NUP93: variants seen among roughly 807,000 people sequenced by gnomAD.
NUP93 encodes the protein nucleoporin 93.
Under a neutral mutation model 107.8 loss-of-function variants are expected in NUP93, and 55 were observed. The observed-to-expected ratio is 0.51, with a 90% CI of 0.41 to 0.64. The LOEUF is 0.64. NUP93 is among the 30% of genes least tolerant of loss of function. The pLI, the probability that NUP93 is intolerant of heterozygous loss-of-function variation, is 0.00. For missense variants in NUP93, 937 were observed against 1,044.7 expected (o/e 0.90, Z 1.42); for synonymous variants, 390 against 397.5 (o/e 0.98, Z 0.22).
At chr16:56,802,076 C>T (rs1386396121) in intron 4 of NUP93, among the ~76,000 whole-genome samples, 1 of 152,266 alleles carries the variant, frequency 6.6e-6, no homozygotes, top group African/African-American at 2.4e-5. Flanking sequence ...GTGCTCACCC[C>T]GTGTTGCAGC....
At chr16:56,782,130 C>T (rs1443492088) in intron 3 of NUP93, 1 of 985,382 alleles carries the variant, frequency 1.0e-6, no homozygotes, top group African/African-American at 1.7e-5. Context: ...TCCGACAGAG[C>T]TCATCTCATA....
intron 5 of NUP93, among the ~76,000 whole-genome samples, chr16:56,806,511 A>G (rs1430722410): frequency 2.0e-5 from 3 of 152,134 alleles, no homozygotes; most frequent in Non-Finnish European, 4.4e-5. Flanking sequence ...CTCTAAGCAC[A>G]ATCAGGGTAT....
intron 1 of NUP93, among the ~76,000 whole-genome samples, chr16:56,739,368 C>T (rs1345645566): frequency 5.1e-4 from 11 of 21,498 alleles, no homozygotes; most frequent in South Asian, 1.6e-3. Flanking sequence ...ACCTCCCTCC[C>T]GGACGGGGCG....
At chr16:56,742,338 G>A (rs1263243020) in intron 1 of NUP93, among the ~76,000 whole-genome samples, 1 of 152,178 alleles carries the variant, frequency 6.6e-6, no homozygotes, top group East Asian at 1.9e-4. Flanking sequence ...CCAAGAGTTG[G>A]CAAACTATGG....
At chr16:56,835,565 C>T (rs1377595888) in intron 16 of NUP93, among the ~76,000 whole-genome samples, 2 of 152,226 alleles carry the variant, frequency 1.3e-5, no homozygotes, top group Admixed American at 6.5e-5. Context: ...GGCCAGGAGG[C>T]TCCTACTGTA....
At chr16:56,762,500 C>T (rs1596779171) in intron 3 of NUP93, among the ~76,000 whole-genome samples, 1 of 152,020 alleles carries the variant, frequency 6.6e-6, no homozygotes, top group African/African-American at 2.4e-5. Context: ...TCCTGATTGC[C>T]GATTTGATCA....
intron 3 of NUP93, among the ~76,000 whole-genome samples, chr16:56,776,516 T>C (rs1202338262): frequency 1.3e-5 from 2 of 152,240 alleles, no homozygotes; most frequent in African/African-American, 4.8e-5. Context: ...TCAGCTTTAG[T>C]ATTCCTTCAA....
At chr16:56,758,416 C>G (rs1962066435) in intron 2 of NUP93, 122 bp from the exon 3 acceptor site, 2 of 728,006 alleles carry the variant, frequency 2.7e-6, no homozygotes, top group East Asian at 2.5e-5. Context: ...AGTGTCTGGA[C>G]AGTATATAGG....
At chr16:56,830,304 A>G (rs567399993) in intron 9 of NUP93, among the ~76,000 whole-genome samples, 1 of 152,314 alleles carries the variant, frequency 6.6e-6, no homozygotes, top group African/African-American at 2.4e-5. Context: ...CTGGAGCCAT[A>G]TTGCCACTTA....
At chr16:56,730,791 AT>A (rs1199537716) in intron 1 of NUP93, among the ~76,000 whole-genome samples, 6 of 152,206 alleles carry the variant, frequency 3.9e-5, no homozygotes, top group South Asian at 2.1e-4. Context: ...TGCAGAGGCG[AT>A]GCCCAAGTTC....
At chr16:56,761,121 T>C (rs1249771217) in intron 3 of NUP93, among the ~76,000 whole-genome samples, 1 of 152,262 alleles carries the variant, frequency 6.6e-6, no homozygotes, top group African/African-American at 2.4e-5. Context: ...AGTTTTGAAA[T>C]AAGTTCTCTG....
intron 1 of NUP93, among the ~76,000 whole-genome samples, chr16:56,731,146 A>C (rs1470449276): frequency 4.6e-5 from 7 of 152,122 alleles, no homozygotes; most frequent in Non-Finnish European, 7.3e-5. Flanking sequence ...ATCAGAGGCT[A>C]ACAGATTCCG....
At chr16:56,747,141 G>A (rs1401814413) in intron 1 of NUP93, among the ~76,000 whole-genome samples, 1 of 152,036 alleles carries the variant, frequency 6.6e-6, no homozygotes, top group Non-Finnish European at 1.5e-5. Flanking sequence ...TGGGATTATA[G>A]GTGTGTGCCA....
intron 3 of NUP93, among the ~76,000 whole-genome samples, chr16:56,791,826 A>G (rs1962769664): frequency 6.6e-6 from 1 of 152,242 alleles, no homozygotes; most frequent in Non-Finnish European, 1.5e-5. Flanking sequence ...CTGCTTGGAC[A>G]GATGTGTAGC....
At chr16:56,760,927 C>G (rs925024481) in intron 3 of NUP93, among the ~76,000 whole-genome samples, 1 of 151,678 alleles carries the variant, frequency 6.6e-6, no homozygotes, top group South Asian at 2.1e-4. Context: ...CCACTGTACT[C>G]AAGTCTGGGT....
rs202003254 is a variant in NUP93, at chr16:56,746,291, A to G, written c.-14-1943A>G. 9.8e-5 allele frequency among the ~76,000 whole-genome samples: 15 copies of G among 152,330 alleles called. No individual in the cohort carries two copies. The East Asian group carries it at 1.2e-3, about 12-fold the overall frequency. ...CATTCCTGAGAAAACACATTTCTCTATCAGGCCGGAGTAGTTGTTTAAAAA... is the reference window on the plus strand; with the variant it reads ...CATTCCTGAGAAAACACATTTCTCTGTCAGGCCGGAGTAGTTGTTTAAAAA... On this transcript the variant is annotated intron_variant, in intron 1 of 21. Coordinates refer to ENST00000308159, the MANE Select transcript of NUP93 (RefSeq NM_014669.5).
At chr16:56,823,234 C>T (rs1202496919) in intron 7 of NUP93, among the ~76,000 whole-genome samples, 3 of 152,186 alleles carry the variant, frequency 2.0e-5, no homozygotes, top group Non-Finnish European at 4.4e-5. Context: ...CCTGGAGCGT[C>T]TCTGGGAGGA....
intron 3 of NUP93, among the ~76,000 whole-genome samples, chr16:56,786,376 A>G (rs1196983843): frequency 2.0e-5 from 3 of 152,178 alleles, no homozygotes; most frequent in Non-Finnish European, 4.4e-5. Context: ...TTTGCCCTAA[A>G]TCTGGACCAC....
intron 1 of NUP93, among the ~76,000 whole-genome samples, chr16:56,737,305 T>C (rs1312567836): frequency 1.3e-5 from 2 of 151,890 alleles, no homozygotes; most frequent in African/African-American, 4.8e-5. Context: ...TGGGGAGAGG[T>C]AGGTGGAGGA....
Sources: gnomAD v4.1 joint callset for allele counts (sites outside exome capture counted in the v4.1 genomes callset) on GRCh38, gnomAD v4.1.1 for gene constraint, MANE v1.5 for transcripts, NCBI Gene and HGNC (gene_info 2026-07-23, HGNC 2026-07-21) for gene names.